CDH12: variants seen among roughly 807,000 people sequenced by gnomAD.
The protein encoded by CDH12 is cadherin-12.
Under a neutral mutation model 74.1 loss-of-function variants are expected in CDH12, and 41 were observed. The observed-to-expected ratio is 0.55, with a 90% CI of 0.43 to 0.72. The LOEUF is 0.72. CDH12 is among the 30% of genes least tolerant of loss of function. The pLI, the probability that CDH12 is intolerant of heterozygous loss-of-function variation, is 0.00. For synonymous variants in CDH12, 399 were observed against 355.0 expected, an observed-to-expected ratio of 1.12 and a Z score of -1.39; for missense variants, 945 against 977.2, an observed-to-expected ratio of 0.97 and a Z score of 0.44.
At chr5:22,495,682 T>A (rs1206956223) in intron 2 of CDH12, among the ~76,000 whole-genome samples, 1 of 152,184 alleles carries the variant, frequency 6.6e-6, no homozygotes, top group Non-Finnish European at 1.5e-5. Flanking sequence ...GTGAAGTAAT[T>A]CACAGCGCAA....
intron 8 of CDH12, among the ~76,000 whole-genome samples, chr5:21,832,567 C>T (rs57741249): frequency 0.43 from 64,744 of 150,674 alleles, 17,371 homozygotes; most frequent in African/African-American, 0.76. Flanking sequence ...ATATGAGTGT[C>T]TGTTTGTTTA....
chr5:22,401,902 A>G (rs1197285671), intron 3 of CDH12, among the ~76,000 whole-genome samples: 1 of 152,182 alleles, frequency 6.6e-6, no homozygotes, highest in Non-Finnish European at 1.5e-5. Flanking sequence ...CTAACAAGCC[A>G]AGGAACATGA....
chr5:22,818,325 C>A (rs962240871), intron 1 of CDH12, among the ~76,000 whole-genome samples: 1 of 152,038 alleles, frequency 6.6e-6, no homozygotes, highest in Non-Finnish European at 1.5e-5. Flanking sequence ...CTTTTCCCTA[C>A]CAAATGGTTT....
rs577402569 is a variant in CDH12, at chr5:21,890,212, T to G, written c.527-35422A>C. Among the ~76,000 whole-genome samples, 29 of 152,238 alleles carry G rather than the reference T, an allele frequency of 1.9e-4. No individual in the cohort carries two copies. The South Asian group carries it at 5.8e-3, about 30-fold the overall frequency. On this transcript the variant is annotated intron_variant, in intron 6 of 14. Transcript: ENST00000382254. The stretch of plus-strand genomic sequence containing the variant: ...TCTACTGTACTTTAATTGTTAAGAT[T>G]TATTTCCCTCATTCGTTTCCCTATC...
intron 4 of CDH12, among the ~76,000 whole-genome samples, chr5:22,193,404 C>G (rs2150348355): frequency 6.6e-6 from 1 of 152,300 alleles, no homozygotes; most frequent in Admixed American, 6.5e-5. Context: ...ACTCCCAGGT[C>G]TTTTCTGCTT....
intron 1 of CDH12, among the ~76,000 whole-genome samples, chr5:22,628,093 G>T (rs114884560): frequency 6.6e-5 from 10 of 152,024 alleles, no homozygotes; most frequent in African/African-American, 2.4e-4. Context: ...GGAGCACCAA[G>T]ATTCATAAAA....
At chr5:22,024,608 A>G (rs1216996414) in intron 5 of CDH12, among the ~76,000 whole-genome samples, 5 of 152,014 alleles carry the variant, frequency 3.3e-5, no homozygotes, top group Admixed American at 6.6e-5. Flanking sequence ...CACCTCCCAA[A>G]TTCAAGAAAT....
chr5:22,205,595 G>A (rs1048021428), intron 4 of CDH12, among the ~76,000 whole-genome samples: 1 of 152,086 alleles, frequency 6.6e-6, no homozygotes, highest in Non-Finnish European at 1.5e-5. Context: ...ATTAGAAAGG[G>A]AGAAAAGTTT....
intron 11 of CDH12, among the ~76,000 whole-genome samples, chr5:21,780,687 A>T (rs1471817931): frequency 1.3e-5 from 2 of 152,182 alleles, no homozygotes; most frequent in African/African-American, 4.8e-5. Context: ...GTCAGTTGTC[A>T]TTTATTGTAT....
chr5:22,388,377 A>C (rs1378770312), intron 3 of CDH12, among the ~76,000 whole-genome samples: 1 of 152,050 alleles, frequency 6.6e-6, no homozygotes, highest in Admixed American at 6.5e-5. Context: ...TGCTTTAAGA[A>C]GGGACAAATA....
chr5:22,031,538 GCCTA>G (rs1738826523), intron 5 of CDH12, among the ~76,000 whole-genome samples: 1 of 152,110 alleles, frequency 6.6e-6, no homozygotes, highest in South Asian at 2.1e-4. Context: ...TGCACAAGAA[GCCTA>G]CCTTTCAGCC....
At chr5:22,223,073 A>G (rs1580420609) in intron 3 of CDH12, among the ~76,000 whole-genome samples, 1 of 152,020 alleles carries the variant, frequency 6.6e-6, no homozygotes, top group African/African-American at 2.4e-5. Flanking sequence ...TATCATTATT[A>G]AGTGGACGTC....
intron 3 of CDH12, among the ~76,000 whole-genome samples, chr5:22,361,485 G>A (rs1314213153): frequency 9.9e-5 from 15 of 152,144 alleles, no homozygotes; most frequent in African/African-American, 2.7e-4. Context: ...AATCAATGTC[G>A]TGAAAATGGC....
intron 4 of CDH12, among the ~76,000 whole-genome samples, chr5:22,089,143 C>G (rs1360152737): frequency 1.3e-5 from 2 of 152,122 alleles, no homozygotes; most frequent in African/African-American, 4.8e-5. Context: ...AAATTCTGAG[C>G]AGGCAGAGGC....
intron 2 of CDH12, among the ~76,000 whole-genome samples, chr5:22,416,011 T>G (rs184176622): frequency 1.6e-4 from 24 of 148,332 alleles, no homozygotes; most frequent in Admixed American, 1.1e-3. Context: ...GTAAAAACTG[T>G]TCCCTGTTTT....
intron 5 of CDH12, among the ~76,000 whole-genome samples, chr5:22,000,390 G>C (rs1235200707): frequency 3.3e-5 from 5 of 152,136 alleles, no homozygotes; most frequent in Non-Finnish European, 7.3e-5. Flanking sequence ...ATCAGCCGTT[G>C]GCCTGAGTGC....
chr5:22,144,726 A>G (rs1747043831), intron 4 of CDH12, among the ~76,000 whole-genome samples: 1 of 152,094 alleles, frequency 6.6e-6, no homozygotes, highest in Admixed American at 6.6e-5. Context: ...GTCTTTCCAC[A>G]TTTTGACGTA....
intron 1 of CDH12, among the ~76,000 whole-genome samples, chr5:22,558,473 A>G (rs1738901161): frequency 1.3e-5 from 2 of 152,218 alleles, no homozygotes; most frequent in Admixed American, 1.3e-4. Context: ...TAACAATATG[A>G]CCAACTCCTT....
At chr5:21,753,011 T>C (rs1041132079) in intron 14 of CDH12, among the ~76,000 whole-genome samples, 3 of 152,224 alleles carry the variant, frequency 2.0e-5, no homozygotes, top group African/African-American at 7.2e-5. Context: ...AATCTCTCTT[T>C]ATTCCCAGTT....
Sources: gnomAD v4.1 joint callset for allele counts (sites outside exome capture counted in the v4.1 genomes callset) on GRCh38, gnomAD v4.1.1 for gene constraint, MANE v1.5 for transcripts, NCBI Gene and HGNC (gene_info 2026-07-23, HGNC 2026-07-21) for gene names.